Variants in TCF7L2 observed in about 807,000 individuals in gnomAD.
TCF7L2 encodes the protein transcription factor 7-like 2.
TCF7L2 carries 23 observed loss-of-function variants against 77.9 expected under a neutral mutation model. The observed-to-expected ratio is 0.30, with a 90% CI of 0.21 to 0.42. TCF7L2 has a LOEUF of 0.42. Among genes scored for constraint, TCF7L2 ranks in the 10% least tolerant of loss-of-function variants. The pLI is 1.00. For synonymous variants in TCF7L2, 413 were observed against 340.2 expected, an observed-to-expected ratio of 1.21 and a Z score of -2.36; for missense variants, 654 against 793.1, an observed-to-expected ratio of 0.82 and a Z score of 2.11.
intron 5 of TCF7L2, among the ~76,000 whole-genome samples, chr10:113,041,504 A>G (rs1014945396): frequency 1.3e-5 from 2 of 152,326 alleles, no homozygotes; most frequent in Admixed American, 1.3e-4. Context: ...GCTTGGATCC[A>G]GTTCTCTGCT....
chr10:113,044,538 G>T (rs2053087043), intron 5 of TCF7L2, among the ~76,000 whole-genome samples: 1 of 152,324 alleles, frequency 6.6e-6, no homozygotes, highest in South Asian at 2.1e-4. Flanking sequence ...AGCCACAGTG[G>T]CCCCTACCTC....
chr10:113,091,428 G>A (rs950179778), intron 5 of TCF7L2, among the ~76,000 whole-genome samples: 1 of 152,154 alleles, frequency 6.6e-6, no homozygotes, highest in African/African-American at 2.4e-5. Context: ...CTGTTAGCCA[G>A]ATGTGCATAA....
chr10:113,008,808 C>T (rs2045991275), intron 4 of TCF7L2, among the ~76,000 whole-genome samples: 1 of 152,160 alleles, frequency 6.6e-6, no homozygotes, highest in Admixed American at 6.5e-5. Context: ...TTTGGGGCAT[C>T]TGTTGACTCC....
At chr10:113,075,308 A>C (rs944407611) in intron 5 of TCF7L2, among the ~76,000 whole-genome samples, 2 of 152,054 alleles carry the variant, frequency 1.3e-5, no homozygotes, top group Non-Finnish European at 2.9e-5. Context: ...AAAATACAAA[A>C]ATTAGCCGGG....
intron 4 of TCF7L2, among the ~76,000 whole-genome samples, chr10:112,965,364 A>G (rs2036494373): frequency 6.6e-6 from 1 of 152,226 alleles, no homozygotes; most frequent in Admixed American, 6.5e-5. Flanking sequence ...GAGGGAGAGC[A>G]GACTAATACG....
chr10:113,129,662 G>A, intron 5 of TCF7L2: 1 of 1,187,640 alleles, frequency 8.4e-7, no homozygotes, highest in Non-Finnish European at 1.1e-6. Flanking sequence ...AGCCTACTCG[G>A]CCAGGAATCT....
At position 113,012,830 on chromosome 10, in the gene TCF7L2, C is replaced by G. The variant is rs555647945; in HGVS notation, c.451-27195C>G. Reference sequence around the variant, plus strand: ...CAAAATATTTTTCTTAAAAATAACACTCAAATGTAGTTCACATGATTAATT... The same window carrying G: ...CAAAATATTTTTCTTAAAAATAACAGTCAAATGTAGTTCACATGATTAATT... On this transcript the variant is annotated intron_variant, in intron 4 of 13. Transcript: ENST00000627217. Among the ~76,000 whole-genome samples the G allele has an allele frequency of 3.5e-3, 526 of 152,268 alleles. 9 individuals are homozygous for G. The highest frequency in any genetic ancestry group is 0.019 in the South Asian group (94 of 4,826).
intron 5 of TCF7L2, among the ~76,000 whole-genome samples, chr10:113,120,988 C>G (rs1215721468): frequency 6.6e-6 from 1 of 152,118 alleles, no homozygotes; most frequent in Non-Finnish European, 1.5e-5. Context: ...TGATAGATGT[C>G]TTCTAATCTA....
At chr10:113,129,012 G>A (rs73360287) in intron 5 of TCF7L2, among the ~76,000 whole-genome samples, 12,256 of 152,078 alleles carry the variant, frequency 0.081, 960 homozygotes, top group Admixed American at 0.24. Context: ...TCAAAAAAGC[G>A]AGTTAGCATT....
chr10:112,980,748 C>T (rs1444638077), intron 4 of TCF7L2, among the ~76,000 whole-genome samples: 1 of 152,148 alleles, frequency 6.6e-6, no homozygotes, highest in Non-Finnish European at 1.5e-5. Context: ...CTACCTCAGC[C>T]TCCCAGTAGC....
chr10:113,078,373 C>A (rs146947066), intron 5 of TCF7L2, among the ~76,000 whole-genome samples: 12 of 152,214 alleles, frequency 7.9e-5, no homozygotes, highest in Admixed American at 7.8e-4. Flanking sequence ...TTAATGAATG[C>A]AATTAGTAAC....
At chr10:113,108,539 A>G (rs1194698063) in intron 5 of TCF7L2, among the ~76,000 whole-genome samples, 3 of 152,192 alleles carry the variant, frequency 2.0e-5, no homozygotes, top group Non-Finnish European at 2.9e-5. Context: ...AGGGACCTCC[A>G]GGCATCAGTG....
chr10:113,160,821 T>A, intron 13 of TCF7L2: 1 of 829,888 alleles, frequency 1.2e-6, no homozygotes, highest in East Asian at 3.0e-5. Context: ...ATGATCCTCA[T>A]TCTTCAAAAT....
intron 4 of TCF7L2, among the ~76,000 whole-genome samples, chr10:113,036,098 TATCATCATCATCATCACC>T (rs1440051780): frequency 2.8e-5 from 4 of 141,100 alleles, no homozygotes; most frequent in Non-Finnish European, 6.1e-5. Flanking sequence ...TTTGTCGCCA[TATCATCATCATCATCACC>T]ATCATCATCA....
At chr10:113,036,124 TCA>T (rs2051180064) in intron 4 of TCF7L2, among the ~76,000 whole-genome samples, 1 of 58,530 alleles carries the variant, frequency 1.7e-5, no homozygotes, top group South Asian at 4.8e-4. Context: ...ACCATCATCA[TCA>T]TCATCATCAT....
intron 5 of TCF7L2, among the ~76,000 whole-genome samples, chr10:113,136,162 A>G (rs1017389705): frequency 1.3e-5 from 2 of 152,206 alleles, no homozygotes. Context: ...CGACTACTTC[A>G]TAGGCTCGTT....
chr10:113,154,428 A>G (rs912937027), intron 11 of TCF7L2, among the ~76,000 whole-genome samples: 1 of 152,154 alleles, frequency 6.6e-6, no homozygotes, highest in African/African-American at 2.4e-5. Context: ...TATAGAGATC[A>G]TATCCCCAAT....
chr10:113,000,798 C>T (rs921895058), intron 4 of TCF7L2, among the ~76,000 whole-genome samples: 16 of 152,252 alleles, frequency 1.1e-4, no homozygotes, highest in African/African-American at 3.6e-4. Flanking sequence ...ACAGTGGCAT[C>T]GGATTTACTG....
At chr10:113,022,285 G>A (rs1213345365) in intron 4 of TCF7L2, among the ~76,000 whole-genome samples, 3 of 152,172 alleles carry the variant, frequency 2.0e-5, no homozygotes, top group African/African-American at 4.8e-5. Context: ...CTGTGTGTCC[G>A]CTGTGGGCAG....
Sources: allele counts gnomAD v4.1 joint callset (sites outside exome capture counted in the v4.1 genomes callset), GRCh38; gene constraint gnomAD v4.1.1; transcripts MANE v1.5; gene names NCBI Gene and HGNC (gene_info 2026-07-23, HGNC 2026-07-21).